SLC45A3: variants seen among roughly 807,000 people sequenced by gnomAD.
SLC45A3 encodes the protein prostate cancer associated protein 2.
Under a neutral mutation model 35.3 loss-of-function variants are expected in SLC45A3, and 17 were observed. That is an observed-to-expected ratio of 0.48 (90% CI 0.33 to 0.72). The LOEUF (loss-of-function observed/expected upper bound fraction) is 0.72. Among genes scored for constraint, SLC45A3 ranks in the 30% least tolerant of loss-of-function variants. The pLI is 0.02. For synonymous variants in SLC45A3, 288 were observed against 334.3 expected, an observed-to-expected ratio of 0.86 and a Z score of 1.51; for missense variants, 597 against 731.7, an observed-to-expected ratio of 0.82 and a Z score of 2.12.
chr1:205,660,167 C>T (rs905017319), intron 4 of SLC45A3, among the ~76,000 whole-genome samples: 3 of 152,062 alleles, frequency 2.0e-5, no homozygotes, highest in African/African-American at 7.2e-5. Context: ...GAAGCTCTGC[C>T]TCTCTGGGGT....
In SLC45A3 at chr1:205,664,335, C is replaced by A. The variant is rs149248377; in HGVS notation, c.172+150G>T. 1.5e-3 allele frequency: 1,488 copies of A among 975,080 alleles called. 8 individuals are homozygous for A. The highest frequency in any genetic ancestry group is 1.5e-3 in the Non-Finnish European group (957 of 643,870). 60.4% of individuals were successfully genotyped at this position (975,080 alleles called of 1,614,324 possible). A position where few individuals can be genotyped will look rare whatever the true frequency, so the allele number is the denominator to read the frequency against. ...ATTCTCTTCTTTCTCTTGGTGTGCC[C>A]CCTCAGCCCAGGGTCACCCTCCTGC... On this transcript the variant is annotated intron_variant, in intron 2 of 4. Coordinates refer to ENST00000367145, the MANE Select transcript of SLC45A3 (RefSeq NM_033102.3). The surrounding 1 kb of genome is among the most constrained non-coding windows in gnomAD (Gnocchi z 5.3).
chr1:205,673,325 G>A (rs1336743328), intron 1 of SLC45A3, among the ~76,000 whole-genome samples: 2 of 152,196 alleles, frequency 1.3e-5, no homozygotes, highest in African/African-American at 4.8e-5. Context: ...GGAGGGGGAA[G>A]AGGGAGCTTG....
At chr1:205,673,331 G>A (rs1671248674) in intron 1 of SLC45A3, among the ~76,000 whole-genome samples, 1 of 152,212 alleles carries the variant, frequency 6.6e-6, no homozygotes, top group African/African-American at 2.4e-5. Context: ...GGAAGAGGGA[G>A]CTTGGCACAG....
chr1:205,662,874 C>G lies in SLC45A3; in HGVS notation c.917G>C (p.Arg306Thr). The change falls in exon 3 of 5, where the codon AGA becomes ACA. Residue 306 changes from arginine to threonine, a missense_variant. Physicochemically the swap from Arg to Thr is moderately conservative, Grantham distance 71. This residue lies in a region of SLC45A3 where 555 missense variants were observed against 664.9 expected (regional missense o/e 0.83). Coordinates refer to ENST00000367145, the MANE Select transcript of SLC45A3 (RefSeq NM_033102.3). This position sits in a 1 kb window ranked among gnomAD's most constrained non-coding sequence, Gnocchi z 6.2. Reference protein sequence around the residue: ...VGEGLYQGVPRAEPGTEARRH... With the variant: ...VGEGLYQGVPTAEPGTEARRH... ...CCGGGCCTCGGTGCCCGGCTCAGCT[C>G]TGGGCACGCCCTGGTACAGCCCCTC... The G allele has an allele frequency of 1.9e-6, 3 of 1,609,100 alleles. No individual in the cohort carries two copies. Among genetic ancestry groups the G allele is most frequent in the Non-Finnish European group, 2.5e-6 (3 of 1,177,486 alleles).
chr1:205,665,988 C>G (rs1436464097), intron 1 of SLC45A3, among the ~76,000 whole-genome samples: 2 of 152,202 alleles, frequency 1.3e-5, no homozygotes, highest in East Asian at 3.9e-4. Flanking sequence ...TCAAGACCAG[C>G]CTGGCCAACA....
At chr1:205,663,691 G>A (rs764416660) in intron 2 of SLC45A3, 73 bp from the exon 3 acceptor site, 74 of 1,413,742 alleles carry the variant, frequency 5.2e-5, no homozygotes, top group Non-Finnish European at 6.4e-5. Context: ...ACCAAGCTCC[G>A]TGAGAAGGAT....
chr1:205,674,041 C>T (rs751980997), intron 1 of SLC45A3, among the ~76,000 whole-genome samples: 1 of 152,144 alleles, frequency 6.6e-6, no homozygotes, highest in African/African-American at 2.4e-5. Flanking sequence ...AAAATGCAAT[C>T]GGTGTGCAAT....
intron 1 of SLC45A3, among the ~76,000 whole-genome samples, chr1:205,679,646 C>G (rs1310781251): frequency 6.6e-6 from 1 of 150,710 alleles, no homozygotes; most frequent in Non-Finnish European, 1.5e-5. Flanking sequence ...CTTTCTCTCC[C>G]CACAGAGGGG....
At chr1:205,674,076 GA>G (rs950334736) in intron 1 of SLC45A3, among the ~76,000 whole-genome samples, 1 of 152,198 alleles carries the variant, frequency 6.6e-6, no homozygotes, top group African/African-American at 2.4e-5. Flanking sequence ...GCACAAGTGT[GA>G]AGATACAAAT....
At chr1:205,674,733 T>C (rs906306051) in intron 1 of SLC45A3, among the ~76,000 whole-genome samples, 14 of 152,110 alleles carry the variant, frequency 9.2e-5, no homozygotes, top group African/African-American at 2.7e-4. Flanking sequence ...TTTTTTCTTT[T>C]TGAGACTAGC....
In SLC45A3 at chr1:205,669,470, G is replaced by A. The variant is rs886109047; in HGVS notation, c.-230-4584C>T. ...CTTTCAAAGGGGCTTCTGCCACCCC[G>A]CATGGCTGAGGTGGAGCTGGGGGAG... On this transcript the variant is annotated intron_variant, in intron 1 of 4. Transcript: ENST00000367145. The surrounding 1 kb of genome is among the most constrained non-coding windows in gnomAD (Gnocchi z 4.1). 6.6e-6 allele frequency among the ~76,000 whole-genome samples: 1 copy of A among 152,152 alleles called. No homozygotes were observed. The highest frequency in any genetic ancestry group is 1.5e-5 in the Non-Finnish European group (1 of 68,016).
rs1180874325 is a variant in SLC45A3, at chr1:205,662,751, G to T, written c.958+82C>A. The T allele has an allele frequency of 1.3e-6, 2 of 1,500,984 alleles. No individual in the cohort carries two copies. Among genetic ancestry groups the T allele is most frequent in the East Asian group, 4.6e-5 (2 of 43,778 alleles). The allele number at this position is 1,500,984 out of a possible 1,614,324, so 93.0% of individuals were successfully genotyped here. A position where few individuals can be genotyped will look rare whatever the true frequency, so the allele number is the denominator to read the frequency against. On this transcript the variant is annotated intron_variant, in intron 3 of 4. Coordinates refer to ENST00000367145, the MANE Select transcript of SLC45A3 (RefSeq NM_033102.3). The surrounding 1 kb of genome is among the most constrained non-coding windows in gnomAD (Gnocchi z 6.2). ...AGAGAAGTCGGGGCCAGGATGGAGA[G>T]GCACCAGCCCAGACACAGCCCCGAG...
At chr1:205,674,165 C>T (rs1174853028) in intron 1 of SLC45A3, among the ~76,000 whole-genome samples, 1 of 146,500 alleles carries the variant, frequency 6.8e-6, no homozygotes, top group East Asian at 2.0e-4. Flanking sequence ...GGCCATGTTG[C>T]TTAGCCTTGA....
chr1:205,660,250 T>C (rs1670995707), intron 4 of SLC45A3, among the ~76,000 whole-genome samples: 1 of 152,030 alleles, frequency 6.6e-6, no homozygotes, highest in South Asian at 2.1e-4. Flanking sequence ...GAGAATCCAG[T>C]AGACCCCAAG....
Position 205,659,144 on chromosome 1 carries a change from C to A in SLC45A3, c.*90G>T, listed in dbSNP as rs370910332. On this transcript the variant is annotated 3_prime_UTR_variant, in exon 5 of 5. Coordinates refer to ENST00000367145, the MANE Select transcript of SLC45A3 (RefSeq NM_033102.3). The surrounding 1 kb of genome is among the most constrained non-coding windows in gnomAD (Gnocchi z 5.8). ...TTACTTTGGCAGCAACAGAAACTGG[C>A]GGCCAGCCCGGCAGCCCCATGGGGC... The A allele has an allele frequency of 2.2e-5, 30 of 1,358,216 alleles. No homozygotes were observed. In the South Asian group the frequency reaches 3.2e-4, roughly 15 times the overall value. 84.1% of individuals were successfully genotyped at this position (1,358,216 alleles called of 1,614,324 possible).
rs754767659 is a variant in SLC45A3, at chr1:205,658,898, G to A, written c.*336C>T. 1 of 316,736 alleles carries A rather than the reference G, an allele frequency of 3.2e-6. No homozygotes were observed. The highest frequency in any genetic ancestry group is 5.9e-6 in the Non-Finnish European group (1 of 170,830). The allele number at this position is 316,736 out of a possible 1,614,324, so 19.6% of individuals were successfully genotyped here. A position where few individuals can be genotyped will look rare whatever the true frequency, so the allele number is the denominator to read the frequency against. On this transcript the variant is annotated 3_prime_UTR_variant, in exon 5 of 5. Coordinates refer to ENST00000367145, the MANE Select transcript of SLC45A3 (RefSeq NM_033102.3). ...TTCTCTAGGTGTGTCTCAACTAGGAGGCTAGCTGTTAACCCTGAGCCTGGG... is the reference window on the plus strand; with the variant it reads ...TTCTCTAGGTGTGTCTCAACTAGGAAGCTAGCTGTTAACCCTGAGCCTGGG...
At chr1:205,670,736 G>A (rs1452975678) in intron 1 of SLC45A3, among the ~76,000 whole-genome samples, 1 of 152,210 alleles carries the variant, frequency 6.6e-6, no homozygotes, top group Non-Finnish European at 1.5e-5. Context: ...TCGGCCTGCA[G>A]AGTAATCCAT....
At chr1:205,680,162 C>T (rs1193062499) in intron 1 of SLC45A3, among the ~76,000 whole-genome samples, 1 of 151,750 alleles carries the variant, frequency 6.6e-6, no homozygotes, top group African/African-American at 2.4e-5. Flanking sequence ...CACAGCTCAG[C>T]GGGGACCCGT....
chr1:205,660,400 C>T (rs1339015749), intron 4 of SLC45A3, among the ~76,000 whole-genome samples: 4 of 152,152 alleles, frequency 2.6e-5, no homozygotes, highest in Non-Finnish European at 5.9e-5. Context: ...CTTGATGGCC[C>T]AGAGCCTCCT....
Sources: allele counts gnomAD v4.1 joint callset (sites outside exome capture counted in the v4.1 genomes callset), GRCh38; gene constraint gnomAD v4.1.1; regional missense constraint gnomAD v4.1.1; non-coding constraint Gnocchi (gnomAD v3.1); transcripts MANE v1.5; gene names NCBI Gene and HGNC (gene_info 2026-07-23, HGNC 2026-07-21).